The following SORCS3 variants were observed in gnomAD, a reference collection of about 807,000 sequenced individuals.
SORCS3 encodes the protein sortilin related VPS10 domain containing receptor 3, also known as VPS10 domain-containing receptor SorCS3.
A neutral mutation model predicts 146.3 loss-of-function variants in SORCS3; 57 were observed. The observed-to-expected ratio is 0.39, with a 90% CI of 0.31 to 0.49. The LOEUF is 0.49. SORCS3 is among the 20% of genes least tolerant of loss of function. The probability of loss-of-function intolerance (pLI) is 0.92; values close to 1 mark genes in which losing one functional copy is unlikely to be tolerated. For synonymous variants in SORCS3, 653 were observed against 618.5 expected (o/e 1.06, Z -0.83); for missense variants, 1,341 against 1,575.5 (o/e 0.85, Z 2.52).
chr10:104,889,768 A>G (rs1376036522), intron 2 of SORCS3, among the ~76,000 whole-genome samples: 2 of 152,124 alleles, frequency 1.3e-5, no homozygotes, highest in South Asian at 2.1e-4. Flanking sequence ...AGAAAGAGTT[A>G]TATTTATCCA....
At chr10:104,873,739 C>T (rs2018542421) in intron 2 of SORCS3, among the ~76,000 whole-genome samples, 1 of 152,246 alleles carries the variant, frequency 6.6e-6, no homozygotes, top group East Asian at 1.9e-4. Flanking sequence ...GCTCTCCCAC[C>T]ACAGAGGCAG....
intron 3 of SORCS3, among the ~76,000 whole-genome samples, chr10:104,918,521 T>A (rs1478075050): frequency 6.6e-6 from 1 of 152,210 alleles, no homozygotes; most frequent in African/African-American, 2.4e-5. Context: ...TAAAGTTGAC[T>A]GAATCAAGCC....
intron 4 of SORCS3, among the ~76,000 whole-genome samples, chr10:104,990,053 A>G (rs2054984405): frequency 6.6e-6 from 1 of 152,170 alleles, no homozygotes; most frequent in Non-Finnish European, 1.5e-5. Context: ...CTGACTGCCA[A>G]TATTTGCATT....
chr10:104,863,693 C>T (rs147643347), intron 2 of SORCS3, among the ~76,000 whole-genome samples: 7 of 152,310 alleles, frequency 4.6e-5, no homozygotes, highest in Non-Finnish European at 1.0e-4. Flanking sequence ...GTGGGTCTTC[C>T]AAGCATCAGG....
rs560255587 is a variant in SORCS3 at position 105,172,600 on chromosome 10, A to G, written c.1901+5251A>G. Among the ~76,000 whole-genome samples, 9 of 152,346 alleles carry G rather than the reference A, an allele frequency of 5.9e-5. No individual in the cohort carries two copies. In the East Asian group the frequency reaches 1.7e-3, roughly 29 times the overall value. ...ATATTTGGAAACTTTCTCATTTACA[A>G]AAATTAAGATGCAATGGTAATTAAT... On this transcript the variant is annotated intron_variant, in intron 13 of 26. Transcript: ENST00000369701.
Position 104,810,820 on chromosome 10 carries a change from AAT to A in SORCS3, c.628-31969_628-31968del, listed in dbSNP as rs2017732019. Among the ~76,000 whole-genome samples the A allele has an allele frequency of 3.3e-5, 5 of 152,226 alleles. 2 individuals carry two copies. The South Asian group carries it at 1.0e-3, about 31-fold the overall frequency. On this transcript the variant is annotated intron_variant, in intron 1 of 26. Transcript: ENST00000369701. Reference sequence around the variant, plus strand: ...GGCTATTGTGGAAACTTTCCTAGCAAATATTTGTTTATTTATTGTTTCCTTCA... The same window carrying A: ...GGCTATTGTGGAAACTTTCCTAGCAAATTTGTTTATTTATTGTTTCCTTCA...
intron 1 of SORCS3, among the ~76,000 whole-genome samples, chr10:104,690,198 A>G (rs1439751108): frequency 6.6e-6 from 1 of 152,168 alleles, no homozygotes; most frequent in African/African-American, 2.4e-5. Context: ...GCATGGCAGT[A>G]CCTGCAAAGG....
At chr10:105,158,568 G>T (rs185481841) in intron 10 of SORCS3, among the ~76,000 whole-genome samples, 98 of 152,190 alleles carry the variant, frequency 6.4e-4, no homozygotes. Context: ...TGTCATCCTG[G>T]TAGAAGGAAT....
chr10:104,716,197 A>G lies in SORCS3; in HGVS notation c.627+74243A>G, dbSNP rs112967581. On this transcript the variant is annotated intron_variant, in intron 1 of 26. Coordinates refer to ENST00000369701, the MANE Select transcript of SORCS3 (RefSeq NM_014978.3). ...TCACTGTCGGACAGGTAATTTACTT[A>G]TTTATTTTATGTATTGATTATCTTT... Among the ~76,000 whole-genome samples, 15 of 152,018 alleles carry G rather than the reference A, an allele frequency of 9.9e-5. 2 individuals carry two copies. Among genetic ancestry groups the G allele is most frequent in the African/African-American group, 3.4e-4 (14 of 41,434 alleles).
At chr10:104,788,383 G>C (rs1433447078) in intron 1 of SORCS3, among the ~76,000 whole-genome samples, 1 of 152,124 alleles carries the variant, frequency 6.6e-6, no homozygotes, top group African/African-American at 2.4e-5. Context: ...CCCCTGATCA[G>C]GACTGATCTC....
intron 1 of SORCS3, among the ~76,000 whole-genome samples, chr10:104,785,025 G>T (rs551674704): frequency 6.6e-6 from 1 of 152,166 alleles, no homozygotes; most frequent in Non-Finnish European, 1.5e-5. Context: ...AGGGGCGGCC[G>T]GGCAGAGGCG....
chr10:105,144,121 G>T (rs1421316854), intron 8 of SORCS3, among the ~76,000 whole-genome samples: 1 of 152,034 alleles, frequency 6.6e-6, no homozygotes, highest in Non-Finnish European at 1.5e-5. Flanking sequence ...CAAAACTTAG[G>T]TGTGCCATAG....
At chr10:104,989,945 G>A (rs762562314) in intron 4 of SORCS3, among the ~76,000 whole-genome samples, 53 of 152,198 alleles carry the variant, frequency 3.5e-4, no homozygotes, top group Non-Finnish European at 6.5e-4. Flanking sequence ...ACTCAGCCAT[G>A]TCACTGATTT....
At chr10:104,938,083 C>A (rs11192239) in intron 3 of SORCS3, among the ~76,000 whole-genome samples, 3 of 152,154 alleles carry the variant, frequency 2.0e-5, no homozygotes, top group Non-Finnish European at 4.4e-5. Context: ...CTATGCATCA[C>A]GAGCCCATTC....
chr10:104,690,135 C>A (rs973147724), intron 1 of SORCS3, among the ~76,000 whole-genome samples: 1 of 152,164 alleles, frequency 6.6e-6, no homozygotes, highest in Non-Finnish European at 1.5e-5. Context: ...TTTCCTTTAT[C>A]CCTTGCCTGT....
intron 4 of SORCS3, among the ~76,000 whole-genome samples, chr10:105,025,837 AACACACACACACACACACAC>A (rs57597161): frequency 7.4e-6 from 1 of 135,416 alleles, no homozygotes; most frequent in Non-Finnish European, 1.6e-5. Context: ...TGTCTTCTCA[AACACACACACACACACACAC>A]ACACACACAC....
Position 105,164,354 on chromosome 10 carries a change from C to T in SORCS3, c.1784C>T (p.Ser595Phe), listed in dbSNP as rs1391525924. The change falls in exon 12 of 27, where the codon TCC becomes TTC. Residue 595 changes from serine (S) to phenylalanine (F), a missense_variant. Physicochemically the swap from Ser to Phe is radical, Grantham distance 155 (BLOSUM62 -2). Coordinates refer to ENST00000369701, the MANE Select transcript of SORCS3 (RefSeq NM_014978.3). The part of the protein sequence containing the change: ...SYTDIGVFIS[S>F]DGGNTWRQIF... ...ACTGATATTGGTGTGTTCATCTCCT[C>T]CGATGGGGGCAACACATGGAGACAG... 1 of 1,613,354 alleles carries T rather than the reference C, an allele frequency of 6.2e-7. No homozygotes were observed. Among genetic ancestry groups the T allele is most frequent in the South Asian group, 1.1e-5 (1 of 91,064 alleles).
chr10:104,770,623 C>T (rs1044401517), intron 1 of SORCS3, among the ~76,000 whole-genome samples: 1 of 151,934 alleles, frequency 6.6e-6, no homozygotes, highest in African/African-American at 2.4e-5. Flanking sequence ...AGTTCAAGAC[C>T]AGCTTTGGCA....
intron 1 of SORCS3, among the ~76,000 whole-genome samples, chr10:104,657,682 G>A (rs1323380479): frequency 1.3e-5 from 2 of 152,150 alleles, no homozygotes; most frequent in East Asian, 3.8e-4. Context: ...CCTGAGAGCT[G>A]AGTAATCCTC....
Sources: allele counts gnomAD v4.1 joint callset (sites outside exome capture counted in the v4.1 genomes callset), GRCh38; gene constraint gnomAD v4.1.1; transcripts MANE v1.5; gene names NCBI Gene and HGNC (gene_info 2026-07-23, HGNC 2026-07-21).